The following SOX13 variants were observed in gnomAD, a reference collection of about 807,000 sequenced individuals.
SOX13 encodes transcription factor SOX-13.
In SOX13, 28 loss-of-function variants were observed where a neutral mutation model predicts 71.8. The observed-to-expected ratio is 0.39, with a 90% confidence interval of 0.29 to 0.53. The LOEUF is 0.53. SOX13 is among the 20% of genes least tolerant of loss of function. SOX13 has a pLI of 0.70. For synonymous variants in SOX13, 309 were observed against 317.8 expected (o/e 0.97, Z 0.29); for missense variants, 627 against 810.3 (o/e 0.77, Z 2.75).
At chr1:204,096,439 CAG>C (rs200365581) in intron 1 of SOX13, among the ~76,000 whole-genome samples, 16,344 of 150,094 alleles carry the variant, frequency 0.11, 936 homozygotes, top group Non-Finnish European at 0.12. Flanking sequence ...ATTTTTGAGA[CAG>C]AGTCTTGCTC....
At chr1:204,102,417 T>C (rs1020734606) in intron 1 of SOX13, among the ~76,000 whole-genome samples, 2 of 152,180 alleles carry the variant, frequency 1.3e-5, no homozygotes, top group African/African-American at 4.8e-5. Context: ...AGCTTTTGTG[T>C]CATCAGCCGG....
At chr1:204,096,263 A>T in intron 1 of SOX13, among the ~76,000 whole-genome samples, 1 of 51,542 alleles carries the variant, frequency 1.9e-5, no homozygotes, top group South Asian at 8.3e-4. Flanking sequence ...TTTTTGCGAC[A>T]GGGTCTCACT....
intron 1 of SOX13, among the ~76,000 whole-genome samples, chr1:204,092,832 C>A (rs1377973143): frequency 6.6e-6 from 1 of 152,112 alleles, no homozygotes; most frequent in African/African-American, 2.4e-5. Flanking sequence ...TCCTATAACA[C>A]CTCCTTTGGT....
intron 1 of SOX13, among the ~76,000 whole-genome samples, chr1:204,079,886 G>A (rs1305127183): frequency 6.6e-6 from 1 of 152,068 alleles, no homozygotes; most frequent in Non-Finnish European, 1.5e-5. Flanking sequence ...GGTTTCCCCT[G>A]CCTCCTCCTA....
At chr1:204,101,305 TGCCCACTTTGGGAGTGG>T (rs1656355255) in intron 1 of SOX13, among the ~76,000 whole-genome samples, 1 of 152,088 alleles carries the variant, frequency 6.6e-6, no homozygotes, top group African/African-American at 2.4e-5. Context: ...TGTGTGGAAG[TGCCCACTTTGGGAGTGG>T]GCTGTGGGCT....
At chr1:204,095,450 C>A (rs1656234486) in intron 1 of SOX13, among the ~76,000 whole-genome samples, 1 of 152,128 alleles carries the variant, frequency 6.6e-6, no homozygotes, top group Non-Finnish European at 1.5e-5. Context: ...CTGGGTCTTG[C>A]TGCTTCTAGA....
At chr1:204,078,764 C>T (rs575610006) in intron 1 of SOX13, among the ~76,000 whole-genome samples, 104 of 152,352 alleles carry the variant, frequency 6.8e-4, no homozygotes, top group African/African-American at 2.4e-3. Flanking sequence ...GACTACCCCC[C>T]TTTTGACTGG....
chr1:204,105,193 G>A (rs1448667345), intron 1 of SOX13, among the ~76,000 whole-genome samples: 1 of 152,216 alleles, frequency 6.6e-6, no homozygotes, highest in African/African-American at 2.4e-5. Flanking sequence ...GTAGGCACAA[G>A]CTGAGACTCA....
At chr1:204,074,017 GC>G (rs1655730981) in intron 1 of SOX13, 1 of 151,704 alleles carries the variant, frequency 6.6e-6, no homozygotes, top group South Asian at 2.1e-4. Flanking sequence ...GCGCGCGCGC[GC>G]GTTCACCACG....
chr1:204,109,093 A>G (rs1298592241), intron 1 of SOX13, among the ~76,000 whole-genome samples: 1 of 152,134 alleles, frequency 6.6e-6, no homozygotes, highest in Non-Finnish European at 1.5e-5. Flanking sequence ...ACGCTCTCCA[A>G]GCCCCTGGGC....
chr1:204,122,732 A>C (rs1397851313), intron 9 of SOX13, 122 bp from the exon 10 acceptor site: 1 of 650,542 alleles, frequency 1.5e-6, no homozygotes, highest in Non-Finnish European at 2.7e-6. Flanking sequence ...ACAGGAGGGA[A>C]CACTAACTCA....
intron 1 of SOX13, 70 bp from the exon 2 acceptor site, chr1:204,112,842 CAGT>C (rs1656613612): frequency 2.3e-6 from 3 of 1,318,104 alleles, no homozygotes; most frequent in Middle Eastern, 2.0e-4. Flanking sequence ...GGGGAGCAAA[CAGT>C]AGGGTCACTG....
At position 204,081,761 on chromosome 1, in the gene SOX13, C is replaced by G. The variant is rs1333947596; in HGVS notation, c.-2+8050C>G. Among the ~76,000 whole-genome samples, 18 of 152,274 alleles carry G rather than the reference C, an allele frequency of 1.2e-4. No homozygotes were observed. Among genetic ancestry groups the G allele is most frequent in the Admixed American group, 1.3e-4 (2 of 15,296 alleles). ...CTGTGTGGGGTATGAGGTCCCCCAC[C>G]CTCATGCGAACAACCTCTCCCCACC... is the stretch of plus-strand genomic sequence containing the variant. On this transcript the variant is annotated intron_variant, in intron 1 of 13. Coordinates refer to ENST00000367204, the MANE Select transcript of SOX13 (RefSeq NM_005686.3). The surrounding 1 kb of genome is among the most constrained non-coding windows in gnomAD (Gnocchi z 4.3).
At chr1:204,075,736 C>T (rs964177438) in intron 1 of SOX13, among the ~76,000 whole-genome samples, 4 of 152,140 alleles carry the variant, frequency 2.6e-5, no homozygotes, top group African/African-American at 9.7e-5. Flanking sequence ...ACCTCTGTGC[C>T]TCAGTTTCCT....
intron 1 of SOX13, among the ~76,000 whole-genome samples, chr1:204,106,170 TTATCC>T (rs1267527156): frequency 6.6e-6 from 1 of 152,218 alleles, no homozygotes; most frequent in African/African-American, 2.4e-5. Flanking sequence ...AAAGTGTTTC[TTATCC>T]GACCCAAGGT....
chr1:204,106,617 T>A (rs1656476992), intron 1 of SOX13, among the ~76,000 whole-genome samples: 1 of 151,702 alleles, frequency 6.6e-6, no homozygotes, highest in Admixed American at 6.6e-5. Flanking sequence ...CTTCCCAGGT[T>A]CAAGCAATTC....
intron 1 of SOX13, among the ~76,000 whole-genome samples, chr1:204,076,479 G>A (rs1422288549): frequency 3.9e-5 from 6 of 152,168 alleles, no homozygotes; most frequent in African/African-American, 1.4e-4. Flanking sequence ...TGGGATTTGG[G>A]GTGAGGGGCA....
chr1:204,092,911 C>CTG (rs34030555), intron 1 of SOX13, among the ~76,000 whole-genome samples: 135,551 of 152,116 alleles, frequency 0.89, 60,712 homozygotes, highest in African/African-American at 0.97. Context: ...CGCTTCCTAA[C>CTG]TGAAATGCCA....
chr1:204,092,656 G>C (rs779553253), intron 1 of SOX13, among the ~76,000 whole-genome samples: 2 of 152,208 alleles, frequency 1.3e-5, no homozygotes, highest in Non-Finnish European at 2.9e-5. Context: ...GATGGCTGCT[G>C]TGGAGGTGGT....
Sources: gnomAD v4.1 joint callset for allele counts (sites outside exome capture counted in the v4.1 genomes callset) on GRCh38, gnomAD v4.1.1 for gene constraint, Gnocchi (gnomAD v3.1) non-coding constraint, MANE v1.5 for transcripts, NCBI Gene and HGNC (gene_info 2026-07-23, HGNC 2026-07-21) for gene names.